Variants in BATF observed in about 807,000 individuals in gnomAD.
The protein encoded by BATF is basic leucine zipper ATF-like transcription factor, also known as basic leucine zipper transcriptional factor ATF-like.
In BATF, 5 loss-of-function variants were observed where a neutral mutation model predicts 13.7. That is an observed-to-expected ratio of 0.36 (90% CI 0.19 to 0.77). The LOEUF is 0.77. Among genes scored for constraint, BATF ranks in the 30% least tolerant of loss-of-function variants. BATF has a pLI of 0.51. For missense variants in BATF, 124 were observed against 163.0 expected (o/e 0.76, Z 1.30); for synonymous variants, 72 against 67.5 (o/e 1.07, Z -0.33).
intron 2 of BATF, among the ~76,000 whole-genome samples, chr14:75,530,724 G>A (rs183072306): frequency 6.2e-4 from 94 of 151,876 alleles, no homozygotes; most frequent in African/African-American, 2.1e-3. Context: ...GCCCAGGCTG[G>A]TCTCGAACTC....
intron 2 of BATF, among the ~76,000 whole-genome samples, chr14:75,529,855 C>G (rs1384172215): frequency 4.6e-5 from 7 of 151,948 alleles, no homozygotes; most frequent in Admixed American, 2.0e-4. Flanking sequence ...ACGAGGTCAG[C>G]AGATCGAGAC....
At chr14:75,546,436 T>G in intron 2 of BATF, 26 bp from the exon 3 acceptor site, 1 of 1,612,634 alleles carries the variant, frequency 6.2e-7, no homozygotes, top group Non-Finnish European at 8.5e-7. Flanking sequence ...GACACTAACC[T>G]CCGGTGCTGA....
chr14:75,525,791 T>C (rs1003165362), intron 2 of BATF, among the ~76,000 whole-genome samples: 3 of 151,952 alleles, frequency 2.0e-5, no homozygotes, highest in African/African-American at 7.3e-5. Flanking sequence ...GGAAAGAATT[T>C]AGAAGGTATC....
At chr14:75,536,337 C>A (rs1258073754) in intron 2 of BATF, among the ~76,000 whole-genome samples, 3 of 152,086 alleles carry the variant, frequency 2.0e-5, no homozygotes, top group Non-Finnish European at 2.9e-5. Context: ...AGCCTTGAGG[C>A]CAAGCTGCGA....
intron 2 of BATF, among the ~76,000 whole-genome samples, chr14:75,537,015 A>C (rs998759980): frequency 1.3e-5 from 2 of 152,018 alleles, no homozygotes; most frequent in Non-Finnish European, 2.9e-5. Flanking sequence ...TCAATCAGAT[A>C]TATTATCCTA....
intron 2 of BATF, among the ~76,000 whole-genome samples, chr14:75,539,996 A>C (rs1887873360): frequency 6.6e-6 from 1 of 152,106 alleles, no homozygotes; most frequent in African/African-American, 2.4e-5. Flanking sequence ...AACGCCACTT[A>C]AGTGTAGGTG....
chr14:75,532,714 A>G (rs936557481), intron 2 of BATF, among the ~76,000 whole-genome samples: 30 of 146,674 alleles, frequency 2.0e-4, no homozygotes, highest in Non-Finnish European at 4.4e-5. Flanking sequence ...TTCATACAAT[A>G]AAAAAATTTA....
At position 75,524,135 on chromosome 14, in the gene BATF, T is replaced by A. The variant is rs553157141; in HGVS notation, c.64-949T>A. ...ACGTGGAAGGGAACAGGGCATGAGT[T>A]GCCAGGACTCCTACACCTACACTGC... On this transcript the variant is annotated intron_variant, in intron 1 of 2. Coordinates refer to ENST00000286639, the MANE Select transcript of BATF (RefSeq NM_006399.5). Among the ~76,000 whole-genome samples the A allele has an allele frequency of 3.9e-5, 6 of 152,222 alleles. No homozygotes were observed. The South Asian group carries it at 1.2e-3, about 32-fold the overall frequency.
chr14:75,527,414 G>A (rs1391395334), intron 2 of BATF, among the ~76,000 whole-genome samples: 2 of 152,140 alleles, frequency 1.3e-5, no homozygotes, highest in Non-Finnish European at 2.9e-5. Flanking sequence ...TTGTATGCCT[G>A]GTCACTTCTA....
Position 75,546,839 on chromosome 14 carries a change from G to A in BATF, c.*168G>A. 1 of 949,714 alleles carries A rather than the reference G, an allele frequency of 1.1e-6. No individual in the cohort carries two copies. Among genetic ancestry groups the A allele is most frequent in the South Asian group, 1.4e-5 (1 of 72,262 alleles). 58.8% of individuals were successfully genotyped at this position (949,714 alleles called of 1,614,324 possible). On this transcript the variant is annotated 3_prime_UTR_variant, in exon 3 of 3. Transcript: ENST00000286639. ...TGGAAGGGCGTGAGGCCTCCCAGCA[G>A]TGCCGCAGCGTTTCGAGGGGCGTGT...
intron 2 of BATF, among the ~76,000 whole-genome samples, chr14:75,540,680 C>T (rs555135180): frequency 2.6e-5 from 4 of 152,288 alleles, no homozygotes; most frequent in African/African-American, 9.6e-5. Flanking sequence ...TTTTCCTCTT[C>T]TGTAAAACGG....
intron 2 of BATF, among the ~76,000 whole-genome samples, chr14:75,535,933 T>C (rs1775237837): frequency 6.6e-6 from 1 of 151,686 alleles, no homozygotes; most frequent in African/African-American, 2.4e-5. Context: ...ATTAAGAGAG[T>C]AGGATGACAC....
intron 2 of BATF, among the ~76,000 whole-genome samples, chr14:75,537,567 T>C (rs1225625324): frequency 6.6e-6 from 1 of 152,180 alleles, no homozygotes; most frequent in Non-Finnish European, 1.5e-5. Context: ...ACAATGTAAA[T>C]GGTAAGGAAA....
chr14:75,546,114 G>A (rs1249264445), intron 2 of BATF, among the ~76,000 whole-genome samples: 8 of 151,984 alleles, frequency 5.3e-5, no homozygotes, highest in Non-Finnish European at 7.4e-5. Flanking sequence ...CGCCCGCCTC[G>A]GCCTCCTAAA....
chr14:75,532,347 G>A (rs80346999), intron 2 of BATF, among the ~76,000 whole-genome samples: 32 of 152,128 alleles, frequency 2.1e-4, no homozygotes, highest in East Asian at 7.7e-4. Context: ...ATCATCAGGC[G>A]TGATCAAGAA....
chr14:75,527,386 C>T (rs747712616), intron 2 of BATF, among the ~76,000 whole-genome samples: 1 of 152,158 alleles, frequency 6.6e-6, no homozygotes, highest in Non-Finnish European at 1.5e-5. Flanking sequence ...TCTGCAACAC[C>T]TCCAGCCAAT....
At chr14:75,539,424 A>ATTTTTTTT (rs1162218076) in intron 2 of BATF, among the ~76,000 whole-genome samples, 3,542 of 58,494 alleles carry the variant, frequency 0.061, 792 homozygotes, top group East Asian at 0.15. Context: ...GTAAGCTGGA[A>ATTTTTTTT]TTTTTTTTTT....
intron 2 of BATF, among the ~76,000 whole-genome samples, chr14:75,533,300 C>A (rs569075883): frequency 1.3e-5 from 2 of 151,836 alleles, no homozygotes; most frequent in African/African-American, 2.4e-5. Flanking sequence ...TGGTGGCGGG[C>A]GCCTGTAGTC....
At chr14:75,533,118 T>C (rs1216605531) in intron 2 of BATF, among the ~76,000 whole-genome samples, 1 of 152,072 alleles carries the variant, frequency 6.6e-6, no homozygotes, top group East Asian at 1.9e-4. Flanking sequence ...ATGGCTAAGT[T>C]TGGGAGGCAT....
Sources: allele counts gnomAD v4.1 joint callset (sites outside exome capture counted in the v4.1 genomes callset), GRCh38; gene constraint gnomAD v4.1.1; transcripts MANE v1.5; gene names NCBI Gene and HGNC (gene_info 2026-07-23, HGNC 2026-07-21).